Variants in ADGRL3 observed in about 807,000 individuals in gnomAD.
ADGRL3 encodes calcium-independent alpha-latrotoxin receptor 3.
A neutral mutation model predicts 153.5 loss-of-function variants in ADGRL3; 62 were observed. The observed-to-expected ratio is 0.40, with a 90% CI of 0.33 to 0.50. The LOEUF is 0.50. ADGRL3 is among the 20% of genes least tolerant of loss of function. ADGRL3 has a pLI of 0.47. For synonymous variants in ADGRL3, 710 were observed against 672.5 expected, an observed-to-expected ratio of 1.06 and a Z score of -0.86; for missense variants, 1,641 against 1,859.4, an observed-to-expected ratio of 0.88 and a Z score of 2.16.
intron 8 of ADGRL3, among the ~76,000 whole-genome samples, chr4:61,750,513 C>A (rs949506840): frequency 1.3e-5 from 2 of 152,122 alleles, no homozygotes; most frequent in Non-Finnish European, 2.9e-5. Context: ...TGAAGTCGGC[C>A]GGGCGCGGTG....
intron 1 of ADGRL3, among the ~76,000 whole-genome samples, chr4:61,222,022 A>G (rs1418230763): frequency 6.6e-6 from 1 of 152,126 alleles, no homozygotes; most frequent in African/African-American, 2.4e-5. Context: ...ATTGCAGGAA[A>G]GCCTTTCAGA....
chr4:61,918,502 G>A (rs920173428), intron 13 of ADGRL3, among the ~76,000 whole-genome samples: 3 of 152,128 alleles, frequency 2.0e-5, no homozygotes, highest in African/African-American at 7.2e-5. Flanking sequence ...TGAGTGTAAA[G>A]AGAGAAAAGA....
At chr4:61,615,881 G>C (rs1280551008) in intron 5 of ADGRL3, among the ~76,000 whole-genome samples, 1 of 151,998 alleles carries the variant, frequency 6.6e-6, no homozygotes, top group East Asian at 1.9e-4. Context: ...TGAAATCAAA[G>C]GCAGGGTTCT....
chr4:61,496,674 G>T (rs374904745), intron 2 of ADGRL3, among the ~76,000 whole-genome samples: 2 of 151,680 alleles, frequency 1.3e-5, no homozygotes, highest in African/African-American at 4.8e-5. Context: ...GGGCGTGGTG[G>T]CTCACGCCTG....
chr4:61,818,778 C>T (rs143127601), intron 9 of ADGRL3, among the ~76,000 whole-genome samples: 2 of 152,244 alleles, frequency 1.3e-5, no homozygotes, highest in East Asian at 1.9e-4. Context: ...AATTCCTCTG[C>T]ATGCACAGAT....
intron 9 of ADGRL3, among the ~76,000 whole-genome samples, chr4:61,850,886 C>A (rs190971706): frequency 1.3e-5 from 2 of 152,250 alleles, no homozygotes; most frequent in Admixed American, 6.5e-5. Flanking sequence ...AATAATAAAT[C>A]ATTCACTTTT....
intron 9 of ADGRL3, among the ~76,000 whole-genome samples, chr4:61,878,345 A>AT (rs2098488238): frequency 6.6e-6 from 1 of 152,230 alleles, no homozygotes; most frequent in Non-Finnish European, 1.5e-5. Context: ...AATTGAGCCC[A>AT]TAACAGGTGA....
rs114525839 is a variant in ADGRL3 at position 61,664,821 on chromosome 4, G to T, written c.474-12005G>T. On this transcript the variant is annotated intron_variant, in intron 5 of 26. Transcript: ENST00000683033. ...TACTTTTCATTAGACAGGGGAACTT[G>T]AGAGAATGTTGTGTAATATAATGTT... Among the ~76,000 whole-genome samples, 403 of 152,256 alleles carry T rather than the reference G, an allele frequency of 2.6e-3. 8 individuals carry two copies. Among genetic ancestry groups the T allele is most frequent in the African/African-American group, 9.2e-3 (383 of 41,554 alleles).
At chr4:61,496,341 T>C (rs1351101560) in intron 2 of ADGRL3, among the ~76,000 whole-genome samples, 1 of 152,174 alleles carries the variant, frequency 6.6e-6, no homozygotes, top group African/African-American at 2.4e-5. Context: ...TGGGGCTTAC[T>C]TTGTGTAAGC....
intron 8 of ADGRL3, among the ~76,000 whole-genome samples, chr4:61,779,262 G>C (rs983230189): frequency 5.9e-5 from 9 of 151,824 alleles, no homozygotes. Context: ...TTTAAGGACT[G>C]TTACAAAGAA....
chr4:61,726,684 T>G (rs2096353241), intron 6 of ADGRL3, among the ~76,000 whole-genome samples: 1 of 152,180 alleles, frequency 6.6e-6, no homozygotes, highest in Admixed American at 6.6e-5. Context: ...AAATGTATTT[T>G]AATAGTCTAA....
intron 19 of ADGRL3, among the ~76,000 whole-genome samples, chr4:61,990,053 TA>T (rs1270723655): frequency 6.6e-6 from 1 of 151,890 alleles, no homozygotes; most frequent in Non-Finnish European, 1.5e-5. Flanking sequence ...TTATAAAAAA[TA>T]AAAATAAAAA....
chr4:61,429,304 T>G (rs567819566), intron 2 of ADGRL3, among the ~76,000 whole-genome samples: 1 of 152,306 alleles, frequency 6.6e-6, no homozygotes, highest in Admixed American at 6.5e-5. Flanking sequence ...ACCCTTGAGT[T>G]GTTTTCATTG....
intron 9 of ADGRL3, among the ~76,000 whole-genome samples, chr4:61,832,924 G>C (rs2097889863): frequency 6.6e-6 from 1 of 151,314 alleles, no homozygotes; most frequent in Non-Finnish European, 1.5e-5. Context: ...CTCTTGAGTA[G>C]CTGGGACTAC....
chr4:61,395,825 T>G (rs2096862156), intron 2 of ADGRL3, among the ~76,000 whole-genome samples: 2 of 151,980 alleles, frequency 1.3e-5, no homozygotes, highest in African/African-American at 4.8e-5. Context: ...GGAACAAATT[T>G]AATATAAAAC....
chr4:61,313,938 G>T (rs1194524827), intron 1 of ADGRL3, among the ~76,000 whole-genome samples: 1 of 152,076 alleles, frequency 6.6e-6, no homozygotes, highest in Non-Finnish European at 1.5e-5. Flanking sequence ...CTATAGACAT[G>T]CCAGCTCTCC....
chr4:61,911,360 T>G (rs2098720989), intron 12 of ADGRL3, among the ~76,000 whole-genome samples: 1 of 152,184 alleles, frequency 6.6e-6, no homozygotes, highest in African/African-American at 2.4e-5. Context: ...TGGGCAAATT[T>G]CCATTTGTGA....
intron 5 of ADGRL3, among the ~76,000 whole-genome samples, chr4:61,612,887 G>T (rs2091540534): frequency 2.0e-5 from 3 of 152,092 alleles, no homozygotes; most frequent in Admixed American, 1.3e-4. Context: ...GTAACCCCCA[G>T]GGCATAACTG....
At chr4:61,392,737 AGTCT>A (rs2096827875) in intron 2 of ADGRL3, among the ~76,000 whole-genome samples, 3 of 148,568 alleles carry the variant, frequency 2.0e-5, no homozygotes, top group Admixed American at 6.7e-5. Context: ...GAGAGAAAAG[AGTCT>A]CATGAGAAAA....
Sources: gnomAD v4.1 joint callset for allele counts (sites outside exome capture counted in the v4.1 genomes callset) on GRCh38, gnomAD v4.1.1 for gene constraint, MANE v1.5 for transcripts, NCBI Gene and HGNC (gene_info 2026-07-23, HGNC 2026-07-21) for gene names.